The following PTPN3 variants were observed in gnomAD, a reference collection of about 807,000 sequenced individuals.
The protein encoded by PTPN3 is tyrosine-protein phosphatase non-receptor type 3.
In PTPN3, 96 loss-of-function variants were observed where a neutral mutation model predicts 132.7. The observed-to-expected ratio is 0.72, with a 90% CI of 0.61 to 0.86. PTPN3 has a LOEUF of 0.86. PTPN3 is among the 40% of genes least tolerant of loss of function. The pLI is 0.00. For missense variants in PTPN3, 1,125 were observed against 1,159.6 expected (o/e 0.97, Z 0.43); for synonymous variants, 398 against 429.0 (o/e 0.93, Z 0.89).
At chr9:109,462,163 G>A (rs75724277) in intron 2 of PTPN3, among the ~76,000 whole-genome samples, 1,658 of 152,320 alleles carry the variant, frequency 0.011, 36 homozygotes, top group African/African-American at 0.037. Flanking sequence ...TCTGCCAGGC[G>A]AAGGGCCCAA....
chr9:109,449,435 C>T, intron 5 of PTPN3: 1 of 985,480 alleles, frequency 1.0e-6, no homozygotes. Flanking sequence ...TAGAAGTTTC[C>T]AGGACCTCCA....
At chr9:109,448,681 G>A in intron 6 of PTPN3, 130 bp downstream of exon 6, 1 of 881,936 alleles carries the variant, frequency 1.1e-6, no homozygotes, top group East Asian at 2.5e-5. Context: ...AAAGCCTAAT[G>A]CTGTACAGGA....
intron 14 of PTPN3, chr9:109,417,656 C>T: frequency 1.0e-6 from 1 of 985,206 alleles, no homozygotes; most frequent in Non-Finnish European, 1.2e-6. Flanking sequence ...CACAAAGTGG[C>T]TTCCCACCGG....
the PTPN3 span, among the ~76,000 whole-genome samples, chr9:109,516,833 C>T: frequency 6.6e-6 from 1 of 152,126 alleles, no homozygotes; most frequent in African/African-American, 2.4e-5. Flanking sequence ...GAGAGGTAGA[C>T]CTGGTTACTG....
In PTPN3 at chr9:109,382,367, A is replaced by G. The variant is rs947903466; in HGVS notation, c.2463T>C (p.Phe821=). The change falls in exon 24 of 26, where the codon TTT becomes TTC. Residue 821 remains phenylalanine (F), a synonymous_variant. Transcript: ENST00000374541. The part of the protein sequence containing the change: ...DHGVPDDSSD[F]LEFVNYVRSL... Reference sequence around the variant, plus strand: ...ACCTCACATAGTTTACAAATTCCAGAAAGTCGGAGGAGTCATCGGGCACAC... The same window carrying G: ...ACCTCACATAGTTTACAAATTCCAGGAAGTCGGAGGAGTCATCGGGCACAC... The G allele has an allele frequency of 5.0e-6, 8 of 1,614,002 alleles. No individual in the cohort carries two copies. In the African/African-American group the frequency reaches 8.0e-5, roughly 16 times the overall value.
rs537356942 is a variant in PTPN3, at chr9:109,444,375, G to T, written c.466+865C>A. On this transcript the variant is annotated intron_variant, in intron 7 of 25. Coordinates refer to ENST00000374541, the MANE Select transcript of PTPN3 (RefSeq NM_002829.4). ...GGGAATATACCCTCGATAAAGTTTT[G>T]CTGATTGAATGAGCGGATTCCTACT... Among the ~76,000 whole-genome samples the T allele has an allele frequency of 4.6e-5, 7 of 152,276 alleles. No homozygotes were observed. The South Asian group carries it at 1.5e-3, about 32-fold the overall frequency.
the PTPN3 span, among the ~76,000 whole-genome samples, chr9:109,513,712 C>T: frequency 6.6e-5 from 10 of 152,140 alleles, no homozygotes; most frequent in African/African-American, 2.4e-4. Flanking sequence ...GTCTCTGATC[C>T]TGATTTCCTG....
At chr9:109,526,699 G>A in the PTPN3 span, among the ~76,000 whole-genome samples, 3 of 152,030 alleles carry the variant, frequency 2.0e-5, no homozygotes, top group Non-Finnish European at 4.4e-5. Flanking sequence ...CAAAATTTAT[G>A]TGAGAGCAAA....
At position 109,389,316 on chromosome 9, in the gene PTPN3, TA is replaced by T. The variant is rs751863865; in HGVS notation, c.2169del (p.His723GlnfsTer21). On this transcript the variant is annotated frameshift_variant, in exon 22 of 26. Transcript: ENST00000374541. LOFTEE classifies it high-confidence loss of function. Reference protein sequence around the residue: ...KYIATQGPLPHTCAQFWQVVW... With the variant: ...KYIATQGPLPXTCAQFWQVVW... ...ACAACCTGCCAAAACTGTGCACAGGTATGCGGCAGGGGCCCCTGAGTGGCGA... is the reference window on the plus strand; with the variant it reads ...ACAACCTGCCAAAACTGTGCACAGGTTGCGGCAGGGGCCCCTGAGTGGCGA... 9 of 1,614,122 alleles carry T rather than the reference TA, an allele frequency of 5.6e-6. No homozygotes were observed. The highest frequency in any genetic ancestry group is 6.8e-6 in the Non-Finnish European group (8 of 1,179,996).
intron 4 of PTPN3, among the ~76,000 whole-genome samples, 187 bp from the exon 5 acceptor site, chr9:109,454,761 A>G (rs1173307981): frequency 6.6e-6 from 1 of 152,220 alleles, no homozygotes; most frequent in African/African-American, 2.4e-5. Flanking sequence ...TCAAAAAGTA[A>G]AACATTTATG....
chr9:109,463,382 G>C lies in PTPN3; in HGVS notation c.53C>G (p.Ser18Trp). The C allele has an allele frequency of 6.2e-7, 1 of 1,613,426 alleles. No homozygotes were observed. The highest frequency in any genetic ancestry group is 2.2e-5 in the East Asian group (1 of 44,836). The change falls in exon 2 of 26, where the codon TCG (serine) becomes TGG (tryptophan). Residue 18 changes from serine (S) to tryptophan (W), a missense_variant. By Grantham distance (177) the Ser-to-Trp change is radical. Transcript: ENST00000374541. Reference protein sequence around the residue: ...LGGRINNIRTSELPKEKTRSE... With the variant: ...LGGRINNIRTWELPKEKTRSE... ...TCGAGTTTTCTCTTTGGGTAACTCC[G>C]AGGTGCGTATATTATTAATTCTTCC...
chr9:109,407,790 C>T (rs777768333), intron 17 of PTPN3, among the ~76,000 whole-genome samples: 17 of 152,302 alleles, frequency 1.1e-4, no homozygotes, highest in Non-Finnish European at 1.9e-4. Context: ...TCAAGTGATT[C>T]ACCCTCCTCG....
chr9:109,412,154 T>C (rs1362942141), intron 14 of PTPN3, among the ~76,000 whole-genome samples: 1 of 152,124 alleles, frequency 6.6e-6, no homozygotes, highest in Non-Finnish European at 1.5e-5. Flanking sequence ...TCTGTCTGTC[T>C]CTGTCTCTGT....
intron 5 of PTPN3, 142 bp from the exon 6 acceptor site, chr9:109,448,997 T>C: frequency 2.8e-6 from 4 of 1,452,168 alleles, no homozygotes; most frequent in South Asian, 1.5e-5. Context: ...AGGTATCAGG[T>C]GCTACCTTAC....
At position 109,498,145 on chromosome 9, in the gene PTPN3, G is replaced by T. The variant is rs1847766974; in HGVS notation, c.-18+74C>A. ...CCCAGGGACGGGTGGGGGCGGGGTG[G>T]CGCCGAGCGCGACCCCGGCCCCCGG... is the stretch of plus-strand genomic sequence containing the variant. On this transcript the variant is annotated intron_variant, in intron 1 of 25. Transcript: ENST00000374541. This position sits in a 1 kb window ranked among gnomAD's most constrained non-coding sequence, Gnocchi z 4.2. 6.9e-6 allele frequency: 1 copy of T among 145,954 alleles called. No individual in the cohort carries two copies. The allele number at this position is 145,954 out of a possible 1,614,324, so 9.0% of individuals were successfully genotyped here. A position where few individuals can be genotyped will look rare whatever the true frequency, so the allele number is the denominator to read the frequency against.
At chr9:109,477,042 G>A (rs773076796) in intron 1 of PTPN3, among the ~76,000 whole-genome samples, 11 of 152,134 alleles carry the variant, frequency 7.2e-5, no homozygotes, top group Admixed American at 2.0e-4. Context: ...TCAGAACCAC[G>A]CACAGGTCAC....
At chr9:109,477,618 G>A (rs1237750177) in intron 1 of PTPN3, among the ~76,000 whole-genome samples, 1 of 152,180 alleles carries the variant, frequency 6.6e-6, no homozygotes, top group East Asian at 1.9e-4. Context: ...GATGTCTAAA[G>A]GCCCTTCCAG....
chr9:109,391,226 T>C (rs1040417510), intron 20 of PTPN3, 27 bp from the exon 21 acceptor site: 3 of 1,596,242 alleles, frequency 1.9e-6, no homozygotes, highest in Non-Finnish European at 2.6e-6. Flanking sequence ...AATTTACCGA[T>C]TATTCCGAGC....
rs970220863 is a variant in PTPN3 at position 109,455,799 on chromosome 9, T to C, written c.290-1225A>G. Reference sequence around the variant, plus strand: ...CCTCTGGGCTGTCTGCACACTTGGCTGTGGGCTCCTTGAGGGGAGAGTCCA... The same window carrying C: ...CCTCTGGGCTGTCTGCACACTTGGCCGTGGGCTCCTTGAGGGGAGAGTCCA... On this transcript the variant is annotated intron_variant, in intron 4 of 25. Coordinates refer to ENST00000374541, the MANE Select transcript of PTPN3 (RefSeq NM_002829.4). Among the ~76,000 whole-genome samples the C allele has an allele frequency of 2.6e-5, 4 of 152,232 alleles. No homozygotes were observed. In the East Asian group the frequency reaches 7.7e-4, roughly 29 times the overall value.
Sources: allele counts gnomAD v4.1 joint callset (sites outside exome capture counted in the v4.1 genomes callset), GRCh38; gene constraint gnomAD v4.1.1; non-coding constraint Gnocchi (gnomAD v3.1); transcripts MANE v1.5; gene names NCBI Gene and HGNC (gene_info 2026-07-23, HGNC 2026-07-21).